Variants in PRORP observed in about 807,000 individuals in gnomAD.
The protein encoded by PRORP is protein only RNase P catalytic subunit, also known as mitochondrial ribonuclease P catalytic subunit.
PRORP carries 51 observed loss-of-function variants against 59.4 expected under a neutral mutation model. The observed-to-expected ratio is 0.86, with a 90% CI of 0.69 to 1.08. The LOEUF is 1.08. Ranked by LOEUF, PRORP falls within the 50% of genes least tolerant of loss-of-function variation. The probability of loss-of-function intolerance (pLI) is 0.00; values close to 1 mark genes in which losing one functional copy is unlikely to be tolerated. For missense variants in PRORP, 646 were observed against 690.3 expected (o/e 0.94, Z 0.72); for synonymous variants, 231 against 245.6 (o/e 0.94, Z 0.55).
At chr14:35,209,173 CA>C (rs35583820) in intron 5 of PRORP, among the ~76,000 whole-genome samples, 87,120 of 149,100 alleles carry the variant, frequency 0.58, 25,648 homozygotes, top group East Asian at 0.75. Context: ...GACTCTGCCT[CA>C]AAAAAAAAAA....
At chr14:35,186,090 C>G (rs1237221053) in intron 5 of PRORP, among the ~76,000 whole-genome samples, 1 of 151,904 alleles carries the variant, frequency 6.6e-6, no homozygotes, top group African/African-American at 2.4e-5. Context: ...TCAAGACACC[C>G]CCCAACCTCA....
At chr14:35,182,413 G>A (rs1232481890) in intron 5 of PRORP, among the ~76,000 whole-genome samples, 20 of 152,252 alleles carry the variant, frequency 1.3e-4, no homozygotes, top group East Asian at 9.7e-4. Flanking sequence ...GGGAGGCCAA[G>A]GCGGGTGGAT....
At chr14:35,228,083 C>T (rs1300219770) in intron 5 of PRORP, among the ~76,000 whole-genome samples, 2 of 152,138 alleles carry the variant, frequency 1.3e-5, no homozygotes, top group African/African-American at 4.8e-5. Flanking sequence ...GTGGAGGTTG[C>T]AGTGAGCCAA....
intron 4 of PRORP, among the ~76,000 whole-genome samples, chr14:35,163,352 G>A (rs904891422): frequency 6.6e-6 from 1 of 152,002 alleles, no homozygotes; most frequent in African/African-American, 2.4e-5. Context: ...ATTTCTCCCT[G>A]AAATGCTGGT....
rs200398342 is a variant in PRORP, at chr14:35,261,876, TC to T, written c.1276-4850del. On this transcript the variant is annotated intron_variant, in intron 5 of 7. Coordinates refer to ENST00000534898, the MANE Select transcript of PRORP (RefSeq NM_014672.4). ...CCAGGGCTTTTATGCTGCACACTCA[TC>T]TTTTTCCCTGTGTCTTTCAATTATT... Among the ~76,000 whole-genome samples the T allele has an allele frequency of 7.7e-3, 1,169 of 152,344 alleles. 4 individuals carry two copies. Among genetic ancestry groups the T allele is most frequent in the South Asian group, 0.021 (100 of 4,828 alleles).
chr14:35,261,026 C>T (rs2050890872), intron 5 of PRORP, among the ~76,000 whole-genome samples: 1 of 152,204 alleles, frequency 6.6e-6, no homozygotes, highest in South Asian at 2.1e-4. Context: ...CACACATACA[C>T]AGCATCATAA....
chr14:35,224,975 C>T (rs1009466488), intron 5 of PRORP, among the ~76,000 whole-genome samples: 1 of 152,146 alleles, frequency 6.6e-6, no homozygotes, highest in East Asian at 1.9e-4. Context: ...TTAATCTAAT[C>T]TCTTTTACCT....
At chr14:35,196,792 G>T (rs752755926) in intron 5 of PRORP, among the ~76,000 whole-genome samples, 4 of 152,044 alleles carry the variant, frequency 2.6e-5, no homozygotes, top group Non-Finnish European at 5.9e-5. Flanking sequence ...CTCCTGCCTT[G>T]ACATGTGTTA....
chr14:35,221,092 G>A (rs2049766501), intron 5 of PRORP, among the ~76,000 whole-genome samples: 1 of 152,152 alleles, frequency 6.6e-6, no homozygotes, highest in African/African-American at 2.4e-5. Context: ...GTTTCTGGCA[G>A]CCCAGCATCC....
chr14:35,153,188 G>A (rs181308233), intron 4 of PRORP, among the ~76,000 whole-genome samples: 3 of 152,352 alleles, frequency 2.0e-5, no homozygotes, highest in African/African-American at 7.2e-5. Flanking sequence ...AGGAGTTGGA[G>A]ACCAGCCCGG....
At chr14:35,265,609 T>G (rs1409819958) in intron 5 of PRORP, among the ~76,000 whole-genome samples, 1 of 152,022 alleles carries the variant, frequency 6.6e-6, no homozygotes, top group African/African-American at 2.4e-5. Context: ...CGACAGATCT[T>G]TAGTAGAAAA....
chr14:35,193,259 C>T (rs936975931), intron 5 of PRORP, among the ~76,000 whole-genome samples: 1 of 152,156 alleles, frequency 6.6e-6, no homozygotes, highest in Admixed American at 6.5e-5. Flanking sequence ...AAAATGGCTT[C>T]AGCAGAATGA....
chr14:35,273,610 G>A lies in PRORP; in HGVS notation c.*44G>A. On this transcript the variant is annotated 3_prime_UTR_variant, in exon 8 of 8. Transcript: ENST00000534898. The stretch of plus-strand genomic sequence containing the variant: ...TAAGTTTGTGTTTGGGTACCCTCTA[G>A]GTTGGCATCAGAGGCTCTTGAGCTG... The A allele has an allele frequency of 6.3e-7, 1 of 1,584,404 alleles. No homozygotes were observed. Among genetic ancestry groups the A allele is most frequent in the Non-Finnish European group, 8.6e-7 (1 of 1,165,874 alleles).
At chr14:35,243,366 C>A (rs1279277284) in intron 5 of PRORP, among the ~76,000 whole-genome samples, 2 of 151,814 alleles carry the variant, frequency 1.3e-5, no homozygotes, top group African/African-American at 2.4e-5. Flanking sequence ...AGACTCTCAT[C>A]TCTATAAAAA....
At chr14:35,170,379 C>CT (rs1362008449) in intron 4 of PRORP, among the ~76,000 whole-genome samples, 1 of 151,680 alleles carries the variant, frequency 6.6e-6, no homozygotes, top group Non-Finnish European at 1.5e-5. Flanking sequence ...TTATCTATAC[C>CT]TTTTTGCTTT....
In PRORP at chr14:35,246,048, T is replaced by C. The variant is rs1362538919; in HGVS notation, c.1276-20679T>C. 5.3e-5 allele frequency among the ~76,000 whole-genome samples: 8 copies of C among 152,184 alleles called. No individual in the cohort carries two copies. The East Asian group carries it at 9.6e-4, about 18-fold the overall frequency. ...TGAAGGCAGTGTTTTATGCTCCCAGTGTTACTCTTGAAGTCTGAAGACATT... is the reference window on the plus strand; with the variant it reads ...TGAAGGCAGTGTTTTATGCTCCCAGCGTTACTCTTGAAGTCTGAAGACATT... On this transcript the variant is annotated intron_variant, in intron 5 of 7. Coordinates refer to ENST00000534898, the MANE Select transcript of PRORP (RefSeq NM_014672.4).
chr14:35,191,348 G>A lies in PRORP; in HGVS notation c.1275+10571G>A, dbSNP rs187523487. Among the ~76,000 whole-genome samples, 26 of 152,284 alleles carry A rather than the reference G, an allele frequency of 1.7e-4. No homozygotes were observed. The South Asian group carries it at 2.3e-3, about 13-fold the overall frequency. On this transcript the variant is annotated intron_variant, in intron 5 of 7. Coordinates refer to ENST00000534898, the MANE Select transcript of PRORP (RefSeq NM_014672.4). ...ATGATTGTGAGGCCTCCCAAGCCAC[G>A]TGGAACTGTGAGTCCATTAAACCTC...
chr14:35,199,180 CA>C (rs1167165459), intron 5 of PRORP, among the ~76,000 whole-genome samples: 1 of 146,750 alleles, frequency 6.8e-6, no homozygotes, highest in Non-Finnish European at 1.5e-5. Flanking sequence ...AAAAAAAATA[CA>C]AAAATTAGCT....
At chr14:35,209,742 G>T (rs1341693580) in intron 5 of PRORP, among the ~76,000 whole-genome samples, 3 of 152,050 alleles carry the variant, frequency 2.0e-5, no homozygotes, top group Non-Finnish European at 4.4e-5. Context: ...CACCAGGTTG[G>T]CCAGGCTGCT....
Sources: allele counts gnomAD v4.1 joint callset (sites outside exome capture counted in the v4.1 genomes callset), GRCh38; gene constraint gnomAD v4.1.1; transcripts MANE v1.5; gene names NCBI Gene and HGNC (gene_info 2026-07-23, HGNC 2026-07-21).